The following EIPR1 variants were observed in gnomAD, a reference collection of about 807,000 sequenced individuals.
EIPR1 encodes EARP and GARP complex-interacting protein 1.
EIPR1 carries 25 observed loss-of-function variants against 48.1 expected under a neutral mutation model. The observed-to-expected ratio is 0.52, with a 90% confidence interval of 0.38 to 0.73. The LOEUF (loss-of-function observed/expected upper bound fraction) is 0.73. Among genes scored for constraint, EIPR1 ranks in the 30% least tolerant of loss-of-function variants. The pLI is 0.00. For synonymous variants in EIPR1, 204 were observed against 201.9 expected, an observed-to-expected ratio of 1.01 and a Z score of -0.09; for missense variants, 415 against 506.2, an observed-to-expected ratio of 0.82 and a Z score of 1.73.
chr2:3,259,714 A>C (rs1667268459), intron 3 of EIPR1, among the ~76,000 whole-genome samples: 1 of 152,222 alleles, frequency 6.6e-6, no homozygotes, highest in South Asian at 2.1e-4. Flanking sequence ...TCTTTTAAAA[A>C]CATAAACCCA....
chr2:3,231,933 C>T (rs764637633), intron 4 of EIPR1, among the ~76,000 whole-genome samples: 9 of 152,288 alleles, frequency 5.9e-5, no homozygotes, highest in East Asian at 5.8e-4. Flanking sequence ...TAAAATATTT[C>T]GCAGAATTCA....
At chr2:3,302,823 G>C (rs544861522) in intron 3 of EIPR1, among the ~76,000 whole-genome samples, 108 of 152,324 alleles carry the variant, frequency 7.1e-4, no homozygotes, top group South Asian at 1.2e-3. Flanking sequence ...GGCTGAGCTC[G>C]GGGCGCTCCA....
At chr2:3,368,772 A>T (rs1012228485) in intron 1 of EIPR1, among the ~76,000 whole-genome samples, 3 of 152,232 alleles carry the variant, frequency 2.0e-5, no homozygotes, top group Admixed American at 1.3e-4. Flanking sequence ...CAGTAAACTA[A>T]AAGTGTGCAA....
intron 1 of EIPR1, among the ~76,000 whole-genome samples, chr2:3,373,644 T>C (rs990201805): frequency 6.6e-6 from 1 of 152,052 alleles, no homozygotes; most frequent in Non-Finnish European, 1.5e-5. Context: ...TCAAAGAGAA[T>C]AAAATACCTA....
At chr2:3,292,159 T>C (rs1270229728) in intron 3 of EIPR1, among the ~76,000 whole-genome samples, 2 of 152,256 alleles carry the variant, frequency 1.3e-5, no homozygotes, top group African/African-American at 4.8e-5. Context: ...GGAAATATTC[T>C]GGGTCAAGGT....
chr2:3,327,790 C>T (rs1034331610), intron 3 of EIPR1, among the ~76,000 whole-genome samples: 2 of 152,182 alleles, frequency 1.3e-5, no homozygotes, highest in Non-Finnish European at 2.9e-5. Flanking sequence ...ACCATGTAAC[C>T]ATGGTTTTAT....
intron 5 of EIPR1, among the ~76,000 whole-genome samples, chr2:3,207,452 T>C (rs1665277738): frequency 6.6e-6 from 1 of 152,220 alleles, no homozygotes; most frequent in Non-Finnish European, 1.5e-5. Flanking sequence ...CAGCAAAACT[T>C]GAAGTCTTAC....
chr2:3,222,214 T>TA (rs1288498286), intron 4 of EIPR1, among the ~76,000 whole-genome samples: 1 of 152,264 alleles, frequency 6.6e-6, no homozygotes, highest in Non-Finnish European at 1.5e-5. Context: ...TGGGTCATCT[T>TA]AGCCTAGTTT....
chr2:3,370,126 C>A (rs1671078042), intron 1 of EIPR1, among the ~76,000 whole-genome samples: 1 of 152,284 alleles, frequency 6.6e-6, no homozygotes, highest in South Asian at 2.1e-4. Context: ...CCCAGGCAAA[C>A]AGGGTCTGGA....
intron 3 of EIPR1, among the ~76,000 whole-genome samples, chr2:3,274,611 C>T (rs192394508): frequency 6.6e-6 from 1 of 151,374 alleles, no homozygotes; most frequent in Admixed American, 6.6e-5. Context: ...GAAAGTGATC[C>T]CAGAAGAAAG....
chr2:3,298,161 T>G (rs913763410), intron 3 of EIPR1, among the ~76,000 whole-genome samples: 11 of 152,226 alleles, frequency 7.2e-5, no homozygotes, highest in African/African-American at 2.4e-4. Context: ...CAGATGCTTG[T>G]TAGCAGAGAA....
intron 3 of EIPR1, among the ~76,000 whole-genome samples, chr2:3,310,516 A>G (rs936490762): frequency 4.6e-4 from 67 of 145,130 alleles, no homozygotes; most frequent in East Asian, 2.3e-3. Flanking sequence ...AGCCGGGCGT[A>G]GTGGCGGGCG....
At chr2:3,209,007 G>T in intron 5 of EIPR1, 1 of 1,455,080 alleles carries the variant, frequency 6.9e-7, no homozygotes, top group Non-Finnish European at 9.1e-7. Context: ...GCCAGAAGCG[G>T]GAACAATAGT....
intron 1 of EIPR1, among the ~76,000 whole-genome samples, chr2:3,361,841 GC>G (rs1558320337): frequency 1.4e-5 from 2 of 144,874 alleles, no homozygotes; most frequent in African/African-American, 5.1e-5. Flanking sequence ...ATCTGACCCT[GC>G]CCAAGCCCTT....
chr2:3,265,377 A>G (rs987840765), intron 3 of EIPR1, among the ~76,000 whole-genome samples: 1 of 152,244 alleles, frequency 6.6e-6, no homozygotes, highest in Non-Finnish European at 1.5e-5. Flanking sequence ...AGAAGCACCC[A>G]TGGGGACATA....
intron 4 of EIPR1, among the ~76,000 whole-genome samples, chr2:3,216,359 G>C (rs1458603703): frequency 6.6e-6 from 1 of 152,120 alleles, no homozygotes; most frequent in Non-Finnish European, 1.5e-5. Flanking sequence ...CTGGAGCAAG[G>C]AGTATCCGTG....
intron 4 of EIPR1, among the ~76,000 whole-genome samples, chr2:3,246,857 AAGGGAGGGAAGG>A (rs1666823525): frequency 6.5e-5 from 1 of 15,458 alleles, no homozygotes. Flanking sequence ...GGGAAGGAGG[AAGGGAGGGAAGG>A]AGGGAGGGAG....
At chr2:3,305,140 A>G (rs1189446578) in intron 3 of EIPR1, among the ~76,000 whole-genome samples, 22 of 73,312 alleles carry the variant, frequency 3.0e-4, no homozygotes, top group South Asian at 1.0e-3. Context: ...CTCCAGTCCC[A>G]TCAGTTCAGC....
chr2:3,268,992 C>T (rs777468616), intron 3 of EIPR1, among the ~76,000 whole-genome samples: 6 of 152,174 alleles, frequency 3.9e-5, no homozygotes, highest in East Asian at 1.9e-4. Context: ...GGGAGGCCCA[C>T]GGGAGAATCA....
Sources: allele counts gnomAD v4.1 joint callset (sites outside exome capture counted in the v4.1 genomes callset), GRCh38; gene constraint gnomAD v4.1.1; transcripts MANE v1.5; gene names NCBI Gene and HGNC (gene_info 2026-07-23, HGNC 2026-07-21).